SLC35F1: variants seen among roughly 807,000 people sequenced by gnomAD.
The protein encoded by SLC35F1 is chromosome 6 open reading frame 169.
In SLC35F1, 14 loss-of-function variants were observed where a neutral mutation model predicts 48.7. That is an observed-to-expected ratio of 0.29 (90% CI 0.19 to 0.45). The LOEUF is 0.45. Ranked by LOEUF, SLC35F1 falls within the 20% of genes least tolerant of loss-of-function variation. SLC35F1 has a pLI of 1.00. For missense variants in SLC35F1, 404 were observed against 500.0 expected (o/e 0.81, Z 1.83); for synonymous variants, 190 against 202.2 (o/e 0.94, Z 0.51).
chr6:118,189,430 G>T (rs538412990), intron 2 of SLC35F1, among the ~76,000 whole-genome samples: 2 of 152,060 alleles, frequency 1.3e-5, no homozygotes, highest in African/African-American at 2.4e-5. Context: ...TGTCTATTCA[G>T]GTACTTTGCC....
At chr6:118,125,929 CT>C (rs750005360) in intron 1 of SLC35F1, among the ~76,000 whole-genome samples, 1 of 152,018 alleles carries the variant, frequency 6.6e-6, no homozygotes, top group Non-Finnish European at 1.5e-5. Context: ...AATCGCTGTT[CT>C]TTTTTTTAGT....
intron 1 of SLC35F1, among the ~76,000 whole-genome samples, chr6:117,959,264 G>A (rs1237162127): frequency 6.6e-6 from 1 of 152,162 alleles, no homozygotes; most frequent in Non-Finnish European, 1.5e-5. Context: ...GTATAGTAGT[G>A]CACTCTGAGC....
chr6:118,058,827 C>T (rs965123218), intron 1 of SLC35F1, among the ~76,000 whole-genome samples: 2 of 152,158 alleles, frequency 1.3e-5, no homozygotes, highest in Non-Finnish European at 2.9e-5. Flanking sequence ...GAAGTCTCAA[C>T]TTCAGAACAT....
At chr6:117,956,585 G>C (rs1019381564) in intron 1 of SLC35F1, among the ~76,000 whole-genome samples, 5 of 152,192 alleles carry the variant, frequency 3.3e-5, no homozygotes, top group Non-Finnish European at 7.3e-5. Context: ...CTGTTCCTTT[G>C]TGTAAGTGCA....
chr6:118,306,726 C>T (rs530143818), intron 7 of SLC35F1, among the ~76,000 whole-genome samples: 5 of 152,298 alleles, frequency 3.3e-5, no homozygotes, highest in Admixed American at 6.5e-5. Context: ...TTGGCTATTA[C>T]GGCCTCTCTT....
At position 118,035,250 on chromosome 6, in the gene SLC35F1, C is replaced by T. The variant is rs140447281; in HGVS notation, c.174-119195C>T. Among the ~76,000 whole-genome samples, 395 of 152,020 alleles carry T rather than the reference C, an allele frequency of 2.6e-3. 1 individual carries two copies. The highest frequency in any genetic ancestry group is 9.1e-3 in the African/African-American group (379 of 41,480). The stretch of plus-strand genomic sequence containing the variant: ...CTTTCTTGATATTGGTGCTTTCTAC[C>T]AGTTCTCCTTTTCCTTAATCAATGT... On this transcript the variant is annotated intron_variant, in intron 1 of 7. Transcript: ENST00000360388.
intron 2 of SLC35F1, among the ~76,000 whole-genome samples, chr6:118,211,778 G>C (rs1001446547): frequency 1.3e-5 from 2 of 152,164 alleles, no homozygotes; most frequent in Admixed American, 1.3e-4. Context: ...AGCCAGAATT[G>C]TACAGTGCTG....
intron 5 of SLC35F1, 97 bp downstream of exon 5, chr6:118,275,712 C>T (rs1254733016): frequency 8.0e-6 from 9 of 1,122,772 alleles, no homozygotes; most frequent in Non-Finnish European, 1.1e-5. Context: ...AGGCTGGAAT[C>T]CAGACACCAG....
chr6:118,300,636 A>G (rs2114659043), intron 7 of SLC35F1, among the ~76,000 whole-genome samples: 1 of 152,354 alleles, frequency 6.6e-6, no homozygotes, highest in Non-Finnish European at 1.5e-5. Context: ...TTAGAAGATT[A>G]AAATGGTTTA....
At chr6:118,273,455 A>G (rs1213755676) in intron 4 of SLC35F1, among the ~76,000 whole-genome samples, 2 of 152,224 alleles carry the variant, frequency 1.3e-5, no homozygotes, top group Non-Finnish European at 2.9e-5. Flanking sequence ...ATTGATATTC[A>G]TAATAATGAC....
chr6:118,185,841 T>C lies in SLC35F1; in HGVS notation c.349+31221T>C, dbSNP rs116863400. Among the ~76,000 whole-genome samples the C allele has an allele frequency of 2.3e-3, 357 of 152,302 alleles. 1 individual carries two copies. Among genetic ancestry groups the C allele is most frequent in the Admixed American group, 4.2e-3 (65 of 15,298 alleles). On this transcript the variant is annotated intron_variant, in intron 2 of 7. Transcript: ENST00000360388. ...GATGTCAAAGATTGGGGTTTTTTTG[T>C]TGATTACAACAAGCACAGTGTCTGG...
rs539749580 is a variant in SLC35F1 at position 118,127,519 on chromosome 6, A to C, written c.174-26926A>C. On this transcript the variant is annotated intron_variant, in intron 1 of 7. Transcript: ENST00000360388. ...ATAAAATGAGTCAGGGAGGATTCCTATCTGATCTTTGACAAACTTGAGAAA... is the reference window on the plus strand; with the variant it reads ...ATAAAATGAGTCAGGGAGGATTCCTCTCTGATCTTTGACAAACTTGAGAAA... Among the ~76,000 whole-genome samples, 5 of 152,194 alleles carry C rather than the reference A, an allele frequency of 3.3e-5. No homozygotes were observed. In the South Asian group the frequency reaches 1.0e-3, roughly 32 times the overall value.
rs149576845 is a variant in SLC35F1 at position 117,989,366 on chromosome 6, A to T, written c.173+81467A>T. Among the ~76,000 whole-genome samples the T allele has an allele frequency of 3.3e-4, 50 of 152,310 alleles. No homozygotes were observed. In the East Asian group the frequency reaches 6.4e-3, roughly 19 times the overall value. ...TCTGGAAGACTGTCACCAGTGGAGG[A>T]AGTGCTTTCCACTTGTAGCCTGTCA... On this transcript the variant is annotated intron_variant, in intron 1 of 7. Transcript: ENST00000360388.
chr6:118,237,907 T>A (rs932983667), intron 3 of SLC35F1, among the ~76,000 whole-genome samples: 5 of 152,192 alleles, frequency 3.3e-5, no homozygotes, highest in Non-Finnish European at 1.5e-5. Flanking sequence ...ACTAATACAC[T>A]GAAAAAAATT....
chr6:118,268,019 A>C (rs1410258219), intron 4 of SLC35F1, among the ~76,000 whole-genome samples: 1 of 152,204 alleles, frequency 6.6e-6, no homozygotes, highest in Non-Finnish European at 1.5e-5. Context: ...TCTTCTAGGA[A>C]ATTAGATGAT....
At chr6:118,242,845 A>G (rs1775458420) in intron 3 of SLC35F1, among the ~76,000 whole-genome samples, 1 of 152,186 alleles carries the variant, frequency 6.6e-6, no homozygotes, top group African/African-American at 2.4e-5. Context: ...GTTGGGAACA[A>G]TTTCCCATAC....
At chr6:118,179,064 G>T (rs1350607233) in intron 2 of SLC35F1, among the ~76,000 whole-genome samples, 6 of 152,042 alleles carry the variant, frequency 3.9e-5, no homozygotes, top group Admixed American at 3.9e-4. Context: ...TATACACTGA[G>T]AACTGAGCAG....
intron 1 of SLC35F1, among the ~76,000 whole-genome samples, chr6:117,929,969 T>TTTCAAA (rs1316290979): frequency 6.6e-6 from 1 of 152,174 alleles, no homozygotes; most frequent in Non-Finnish European, 1.5e-5. Context: ...TGCTTAATCC[T>TTTCAAA]TTCAAACCAT....
intron 2 of SLC35F1, among the ~76,000 whole-genome samples, chr6:118,163,771 A>G (rs1046281454): frequency 6.6e-6 from 1 of 152,238 alleles, no homozygotes; most frequent in Non-Finnish European, 1.5e-5. Flanking sequence ...TTTGTATGTA[A>G]TTAGTGTAAA....
Sources: gnomAD v4.1 joint callset for allele counts (sites outside exome capture counted in the v4.1 genomes callset) on GRCh38, gnomAD v4.1.1 for gene constraint, MANE v1.5 for transcripts, NCBI Gene and HGNC (gene_info 2026-07-23, HGNC 2026-07-21) for gene names.